Variants in MTRR observed in about 807,000 individuals in gnomAD.
MTRR encodes the protein methionine synthase reductase.
In MTRR, 63 loss-of-function variants were observed where a neutral mutation model predicts 79.2. That is an observed-to-expected ratio of 0.80 (90% CI 0.65 to 0.98). The LOEUF is 0.98. Ranked by LOEUF, MTRR falls within the 50% of genes least tolerant of loss-of-function variation. MTRR has a pLI of 0.00. For synonymous variants in MTRR, 355 were observed against 313.3 expected (o/e 1.13, Z -1.41); for missense variants, 895 against 839.6 (o/e 1.07, Z -0.82).
intron 2 of MTRR, chr5:7,863,151 A>T (rs1044408857): frequency 7.4e-6 from 5 of 673,988 alleles, no homozygotes; most frequent in African/African-American, 1.8e-5. Context: ...TCTCAAAATG[A>T]TAATGCAAAC....
intron 2 of MTRR, among the ~76,000 whole-genome samples, chr5:7,863,698 G>A (rs1452354323): frequency 6.6e-6 from 1 of 152,138 alleles, no homozygotes; most frequent in African/African-American, 2.4e-5. Context: ...TGGAGAAAAT[G>A]GTTATTTATT....
At chr5:7,896,040 G>T (rs1472960780) in intron 12 of MTRR, among the ~76,000 whole-genome samples, 188 bp downstream of exon 12, 1 of 152,172 alleles carries the variant, frequency 6.6e-6, no homozygotes, top group East Asian at 1.9e-4. Flanking sequence ...CTTTGTACTA[G>T]AACTTCCTTT....
At chr5:7,879,273 G>A (rs1735130007) in intron 5 of MTRR, among the ~76,000 whole-genome samples, 1 of 152,114 alleles carries the variant, frequency 6.6e-6, no homozygotes, top group African/African-American at 2.4e-5. Context: ...GCAGAGTGCA[G>A]TGTTGCACCA....
At chr5:7,866,002 C>CA, upstream of MTRR, 1 of 1,596,572 alleles carries the variant, frequency 6.3e-7, no homozygotes, top group Non-Finnish European at 8.6e-7. Context: ...GAAAGCATCC[C>CA]AGTCATAGTT....
chr5:7,852,417 T>G (rs79562536), intron 1 of MTRR, among the ~76,000 whole-genome samples: 1,757 of 152,236 alleles, frequency 0.012, 32 homozygotes, highest in African/African-American at 0.039. Flanking sequence ...TGGGTCCCCA[T>G]GAGCTTCCTG....
At chr5:7,868,035 G>T, upstream of MTRR, 1 of 1,613,074 alleles carries the variant, frequency 6.2e-7, no homozygotes, top group East Asian at 2.2e-5. Context: ...CTATGCATCT[G>T]AAAATCAGAT....
Position 7,900,327 on chromosome 5 carries a change from C to A in MTRR, c.*269C>A. The A allele has an allele frequency of 2.3e-6, 1 of 433,666 alleles. No homozygotes were observed. The highest frequency in any genetic ancestry group is 2.4e-5 in the South Asian group (1 of 41,264). 26.9% of individuals were successfully genotyped at this position (433,666 alleles called of 1,614,324 possible). A position where few individuals can be genotyped will look rare whatever the true frequency, so the allele number is the denominator to read the frequency against. On this transcript the variant is annotated 3_prime_UTR_variant, in exon 15 of 15. Transcript: ENST00000440940. ...CTTCTGAGCTAAGGCAGCCTTCAGT[C>A]CCTATCAGCGCCTCCTTTACTTCCC...
intron 1 of MTRR, among the ~76,000 whole-genome samples, chr5:7,858,991 A>G (rs1244096162): frequency 6.6e-6 from 1 of 152,128 alleles, no homozygotes; most frequent in Non-Finnish European, 1.5e-5. Flanking sequence ...TAATTCTATA[A>G]TATTTATATC....
chr5:7,873,300 A>G (rs979571663), intron 2 of MTRR, 73 bp from the exon 3 acceptor site: 11 of 1,576,782 alleles, frequency 7.0e-6, no homozygotes, highest in South Asian at 3.3e-5. Context: ...AACTAAGCTG[A>G]TTGCTTTGCT....
chr5:7,861,232 A>T, intron 1 of MTRR: 1 of 1,611,440 alleles, frequency 6.2e-7, no homozygotes, highest in Non-Finnish European at 8.5e-7. Flanking sequence ...TTGGAGCAAA[A>T]CCTTTTTGGA....
chr5:7,872,394 GC>G, intron 2 of MTRR: 1 of 318,542 alleles, frequency 3.1e-6, no homozygotes, highest in Non-Finnish European at 6.1e-6. Flanking sequence ...TTATAGCTCA[GC>G]TTATAGCTAA....
chr5:7,896,758 G>T (rs1738586644), intron 12 of MTRR, 106 bp from the exon 13 acceptor site: 3 of 898,240 alleles, frequency 3.3e-6, no homozygotes, highest in Non-Finnish European at 5.5e-6. Flanking sequence ...TGCAGAGATG[G>T]ATTTTACAAA....
intron 10 of MTRR, 24 bp downstream of exon 10, chr5:7,891,438 A>G (rs1206472148): frequency 8.2e-6 from 13 of 1,590,266 alleles, no homozygotes; most frequent in South Asian, 1.1e-5. Context: ...TTCACGTAAT[A>G]TATAGCATTG....
At chr5:7,859,650 C>A in intron 1 of MTRR, 1 of 636,726 alleles carries the variant, frequency 1.6e-6, no homozygotes, top group Non-Finnish European at 2.6e-6. Context: ...GGAATGTAAG[C>A]TCCTGGAAGG....
chr5:7,885,580 C>A, intron 6 of MTRR, 121 bp from the exon 7 acceptor site: 7 of 832,268 alleles, frequency 8.4e-6, no homozygotes, highest in South Asian at 2.1e-5. Context: ...TTTTGAAATT[C>A]TATTTTCTGA....
At chr5:7,891,181 T>C (rs890834199) in intron 9 of MTRR, among the ~76,000 whole-genome samples, 191 bp from the exon 10 acceptor site, 3 of 152,070 alleles carry the variant, frequency 2.0e-5, no homozygotes, top group African/African-American at 4.8e-5. Context: ...TTTTTAACTT[T>C]AGGAGTTGAA....
Position 7,897,197 on chromosome 5 carries a change from G to A in MTRR, c.1902G>A (p.Gln634=), listed in dbSNP as rs945164864. The change falls in exon 14 of 15, where the codon CAG becomes CAA. Residue 634 remains glutamine, a synonymous_variant. Coordinates refer to ENST00000440940, the MANE Select transcript of MTRR (RefSeq NM_002454.3). ...AAGACAACATCCAGCTTCATGGCCA[G>A]CAGGTGGCGAGAATCCTCCTCCAGG... ...YVQDNIQLHG[Q]QVARILLQEN... is the part of the protein sequence containing the mutation. 6.2e-7 allele frequency: 1 copy of A among 1,614,156 alleles called. No homozygotes were observed. The highest frequency in any genetic ancestry group is 1.7e-5 in the Admixed American group (1 of 60,026).
chr5:7,873,587 TTA>T, intron 3 of MTRR, 61 bp downstream of exon 3: 1 of 1,564,422 alleles, frequency 6.4e-7, no homozygotes, highest in Admixed American at 1.7e-5. Flanking sequence ...GGTATCTGAA[TTA>T]TCTTTCAGAA....
intron 2 of MTRR, among the ~76,000 whole-genome samples, chr5:7,871,961 A>G (rs1384084759): frequency 6.6e-6 from 1 of 152,122 alleles, no homozygotes; most frequent in Non-Finnish European, 1.5e-5. Flanking sequence ...GGTTGACCTC[A>G]GTAAGTTGAT....
Sources: gnomAD v4.1 joint callset for allele counts (sites outside exome capture counted in the v4.1 genomes callset) on GRCh38, gnomAD v4.1.1 for gene constraint, MANE v1.5 for transcripts, NCBI Gene and HGNC (gene_info 2026-07-23, HGNC 2026-07-21) for gene names.